CEP162: variants seen among roughly 807,000 people sequenced by gnomAD.
CEP162 encodes the protein centrosomal protein of 162 kDa.
Under a neutral mutation model 169.2 loss-of-function variants are expected in CEP162, and 141 were observed. The observed-to-expected ratio is 0.83, with a 90% CI of 0.73 to 0.96. CEP162 has a LOEUF of 0.96. Among genes scored for constraint, CEP162 ranks in the 40% least tolerant of loss-of-function variants. The probability of loss-of-function intolerance (pLI) is 0.00; values close to 1 mark genes in which losing one functional copy is unlikely to be tolerated. For missense variants in CEP162, 1,600 were observed against 1,587.2 expected (o/e 1.01, Z -0.14); for synonymous variants, 540 against 526.4 (o/e 1.03, Z -0.35).
Position 84,174,157 on chromosome 6 carries a change from T to C in CEP162, c.2057A>G (p.Gln686Arg). 3 of 1,607,782 alleles carry C rather than the reference T, an allele frequency of 1.9e-6. No individual in the cohort carries two copies. The highest frequency in any genetic ancestry group is 2.5e-6 in the Non-Finnish European group (3 of 1,176,656). The stretch of plus-strand genomic sequence containing the variant: ...TGCTTCTCCAAAATGTAACCACCTT[T>C]GTTTTTTGTTTGTTTCTTCAAAGCT... ...LSSFEETNKKQRWLHFGEAAD... is the reference protein window; with the variant it reads ...LSSFEETNKKRRWLHFGEAAD... The change falls in exon 16 of 27, where the codon CAA becomes CGA. Residue 686 changes from glutamine to arginine, a missense_variant. Coordinates refer to ENST00000403245, the MANE Select transcript of CEP162 (RefSeq NM_014895.4).
intron 10 of CEP162, among the ~76,000 whole-genome samples, chr6:84,194,608 C>T (rs1309451237): frequency 1.3e-5 from 2 of 152,042 alleles, no homozygotes; most frequent in East Asian, 3.9e-4. Flanking sequence ...CGTGTGCCAC[C>T]ATGCCCAGCT....
chr6:84,156,782 T>C (rs2099523397), intron 21 of CEP162, among the ~76,000 whole-genome samples: 1 of 127,862 alleles, frequency 7.8e-6, no homozygotes, highest in African/African-American at 4.2e-5. Flanking sequence ...AAACACACTA[T>C]TCATCCATAG....
At chr6:84,195,265 G>A (rs747249388) in intron 9 of CEP162, among the ~76,000 whole-genome samples, 190 bp from the exon 10 acceptor site, 9 of 152,198 alleles carry the variant, frequency 5.9e-5, no homozygotes, top group South Asian at 2.1e-4. Flanking sequence ...AAACTGAGGC[G>A]TGTCCTGATG....
chr6:84,211,895 C>CA (rs577310104), intron 6 of CEP162, among the ~76,000 whole-genome samples: 1,631 of 104,634 alleles, frequency 0.016, 29 homozygotes, highest in African/African-American at 0.047. Flanking sequence ...GTCAAATTGC[C>CA]AAAAAAAAAA....
At chr6:84,161,396 A>G (rs73750529) in intron 20 of CEP162, among the ~76,000 whole-genome samples, 6,658 of 152,134 alleles carry the variant, frequency 0.044, 474 homozygotes, top group African/African-American at 0.15. Context: ...AACTAAAGCT[A>G]GAGTATTCCA....
chr6:84,175,158 G>A, intron 14 of CEP162, 56 bp downstream of exon 14: 1 of 1,192,916 alleles, frequency 8.4e-7, no homozygotes, highest in Non-Finnish European at 1.2e-6. Context: ...ATATAATTTA[G>A]TTTTAATATA....
chr6:84,159,684 C>A (rs1465878857), intron 21 of CEP162, among the ~76,000 whole-genome samples: 1 of 149,030 alleles, frequency 6.7e-6, no homozygotes, highest in Non-Finnish European at 1.5e-5. Context: ...CTTGCCTCAC[C>A]CTCCCAAGTA....
At chr6:84,213,433 C>A (rs767791443) in intron 5 of CEP162, among the ~76,000 whole-genome samples, 1 of 152,150 alleles carries the variant, frequency 6.6e-6, no homozygotes, top group South Asian at 2.1e-4. Flanking sequence ...CACTTACATG[C>A]TAATAAGCAA....
rs2099508076 is a variant in CEP162, at chr6:84,124,272, G to A, written c.*798C>T. On this transcript the variant is annotated 3_prime_UTR_variant, in exon 27 of 27. Coordinates refer to ENST00000403245, the MANE Select transcript of CEP162 (RefSeq NM_014895.4). ...AGATATCTGTACATGTATGTTTATT[G>A]CAGCAATATTTACAATAGCAAATTC... The A allele has an allele frequency of 6.6e-6, 1 of 152,046 alleles. No individual in the cohort carries two copies. The highest frequency in any genetic ancestry group is 2.1e-4 in the South Asian group (1 of 4,828). 9.4% of individuals were successfully genotyped at this position (152,046 alleles called of 1,614,324 possible).
chr6:84,125,210 G>A lies in CEP162; in HGVS notation c.4072C>T (p.Leu1358=). ...AGCTCACGATTCTTTAACTGTGCCA[G>A]TCTTTTCCATTTTTCAACTTCTTTG... is the stretch of plus-strand genomic sequence containing the variant. ...QNKEVEKWKR[L]AQLKNRELEK... Residue 1358 remains leucine (L), a synonymous_variant, in exon 27 of 27, where the codon CTG becomes TTG. Coordinates refer to ENST00000403245, the MANE Select transcript of CEP162 (RefSeq NM_014895.4). The A allele has an allele frequency of 6.2e-7, 1 of 1,613,624 alleles. No individual in the cohort carries two copies. The highest frequency in any genetic ancestry group is 8.5e-7 in the Non-Finnish European group (1 of 1,179,688).
At chr6:84,140,924 C>T (rs144837977) in intron 25 of CEP162, among the ~76,000 whole-genome samples, 125 of 152,194 alleles carry the variant, frequency 8.2e-4, no homozygotes, top group Non-Finnish European at 1.2e-3. Context: ...AATTCTTCCA[C>T]GGAAAGAGGG....
chr6:84,206,871 T>A (rs542022590), intron 6 of CEP162, among the ~76,000 whole-genome samples: 1 of 151,904 alleles, frequency 6.6e-6, no homozygotes, highest in Non-Finnish European at 1.5e-5. Flanking sequence ...AACAAATTTA[T>A]AAGAAAAAAT....
At chr6:84,174,573 C>T (rs778432211) in intron 15 of CEP162, among the ~76,000 whole-genome samples, 154 bp downstream of exon 15, 2 of 151,994 alleles carry the variant, frequency 1.3e-5, no homozygotes, top group Non-Finnish European at 2.9e-5. Context: ...CTCTCATGTA[C>T]GGAATCACTC....
intron 6 of CEP162, among the ~76,000 whole-genome samples, chr6:84,211,161 A>G (rs2127744445): frequency 6.6e-6 from 1 of 152,284 alleles, no homozygotes; most frequent in African/African-American, 2.4e-5. Context: ...AAAAATGAAC[A>G]TAATGAAGAA....
At chr6:84,218,415 C>T (rs1042391045) in intron 3 of CEP162, among the ~76,000 whole-genome samples, 1 of 152,074 alleles carries the variant, frequency 6.6e-6, no homozygotes, top group Non-Finnish European at 1.5e-5. Context: ...ATTCCAAGAG[C>T]ACTAGAAAAA....
chr6:84,186,796 A>G (rs544276692), intron 11 of CEP162, among the ~76,000 whole-genome samples, 173 bp from the exon 12 acceptor site: 1 of 152,298 alleles, frequency 6.6e-6, no homozygotes, highest in Admixed American at 6.5e-5. Context: ...GTACACTCAC[A>G]TAGTGTAATT....
Position 84,182,171 on chromosome 6 carries a change from T to G in CEP162, c.1663+3016A>C, listed in dbSNP as rs190360947. Among the ~76,000 whole-genome samples, 140 of 152,204 alleles carry G rather than the reference T, an allele frequency of 9.2e-4. 2 individuals are homozygous for G. Among genetic ancestry groups the G allele is most frequent in the Admixed American group, 8.6e-3 (131 of 15,282 alleles). The stretch of plus-strand genomic sequence containing the variant: ...CTCTACTTCCGTCCATTCATTCACA[T>G]TTCCTTCTATTATATAAGTATATAC... On this transcript the variant is annotated intron_variant, in intron 13 of 26. Transcript: ENST00000403245.
rs755718271 is a variant in CEP162, at chr6:84,153,100, T to G, written c.3074A>C (p.Lys1025Thr). Residue 1025 changes from lysine (K) to threonine (T), a missense_variant, in exon 23 of 27, where the codon AAA becomes ACA. Transcript: ENST00000403245. The stretch of plus-strand genomic sequence containing the variant: ...GTCATCAAGTTCCTTCTCTAGGGCT[T>G]TAATTCTGGGAGAGTCATGTTGATT... The part of the protein sequence containing the change: ...KLNQHDSPRI[K>T]ALEKELDDIK... 6.2e-7 allele frequency: 1 copy of G among 1,613,086 alleles called. No individual in the cohort carries two copies. The highest frequency in any genetic ancestry group is 1.1e-5 in the South Asian group (1 of 90,916).
intron 25 of CEP162, among the ~76,000 whole-genome samples, chr6:84,137,511 A>ATATC (rs1255865730): frequency 5.3e-5 from 8 of 152,144 alleles, no homozygotes; most frequent in African/African-American, 1.9e-4. Flanking sequence ...AATATTTTCT[A>ATATC]TATCTTTTAT....
Sources: allele counts gnomAD v4.1 joint callset (sites outside exome capture counted in the v4.1 genomes callset), GRCh38; gene constraint gnomAD v4.1.1; transcripts MANE v1.5; gene names NCBI Gene and HGNC (gene_info 2026-07-23, HGNC 2026-07-21).